Variants in PPP1R37 observed in about 807,000 individuals in gnomAD.
PPP1R37 encodes the protein protein phosphatase 1 regulatory subunit 37, also known as leucine rich repeat containing 68.
A neutral mutation model predicts 61.0 loss-of-function variants in PPP1R37; 21 were observed. The ratio of observed to expected loss-of-function variants is 0.34; its 90% CI spans 0.24 to 0.50. The LOEUF is 0.50. Among genes scored for constraint, PPP1R37 ranks in the 20% least tolerant of loss-of-function variants. The probability of loss-of-function intolerance (pLI) is 0.98; values close to 1 mark genes in which losing one functional copy is unlikely to be tolerated. For synonymous variants in PPP1R37, 443 were observed against 433.5 expected (o/e 1.02, Z -0.27); for missense variants, 910 against 952.7 (o/e 0.96, Z 0.59).
chr19:45,096,769 T>C (rs1160439880), intron 1 of PPP1R37, among the ~76,000 whole-genome samples: 1 of 151,958 alleles, frequency 6.6e-6, no homozygotes, highest in African/African-American at 2.4e-5. Flanking sequence ...TAAGGTCTGG[T>C]TGGGACTCAC....
In PPP1R37 at chr19:45,114,903, A is replaced by G. The variant is rs141666540; in HGVS notation, c.202+21376A>G. ...GAAGCTCCTTCCAGCTGGGGGGCTTATGGAGGCCATAAAGGAACCCCCTAA... is the reference window on the plus strand; with the variant it reads ...GAAGCTCCTTCCAGCTGGGGGGCTTGTGGAGGCCATAAAGGAACCCCCTAA... On this transcript the variant is annotated intron_variant, in intron 1 of 12. Coordinates refer to ENST00000221462, the MANE Select transcript of PPP1R37 (RefSeq NM_019121.2). 8.5e-5 allele frequency among the ~76,000 whole-genome samples: 13 copies of G among 152,252 alleles called. No homozygotes were observed. In the East Asian group the frequency reaches 2.5e-3, roughly 29 times the overall value.
intron 4 of PPP1R37, 52 bp downstream of exon 4, chr19:45,140,658 C>T (rs745454447): frequency 1.6e-5 from 22 of 1,406,642 alleles, no homozygotes; most frequent in Middle Eastern, 3.5e-4. Flanking sequence ...CGGGCCCCTT[C>T]GAGGTTTGGG....
chr19:45,116,711 A>G (rs570282284), intron 1 of PPP1R37, among the ~76,000 whole-genome samples: 1 of 152,302 alleles, frequency 6.6e-6, no homozygotes, highest in East Asian at 1.9e-4. Context: ...GTTCATTCAT[A>G]GACTCACAGC....
chr19:45,119,092 G>A (rs958519727), intron 1 of PPP1R37, among the ~76,000 whole-genome samples: 6 of 151,854 alleles, frequency 4.0e-5, no homozygotes, highest in East Asian at 1.9e-4. Context: ...GGGTTCAAGC[G>A]ATTCTCCTGC....
rs945436424 is a variant in PPP1R37 at position 45,093,355 on chromosome 19, C to T, written c.30C>T (p.Pro10=). ...AGATCGCGCCGCAGGAGGCGCCGCC[C>T]GTGCCGGGCGCGGACGGCGACATTG... MEIAPQEAP[P]VPGADGDIEE... is the part of the protein sequence containing the mutation. Residue 10 remains proline (P), a synonymous_variant, in exon 1 of 13, where the codon CCC becomes CCT. Transcript: ENST00000221462. The T allele has an allele frequency of 2.0e-6, 3 of 1,505,392 alleles. No individual in the cohort carries two copies. The highest frequency in any genetic ancestry group is 1.4e-5 in the African/African-American group (1 of 70,162). 93.3% of individuals were successfully genotyped at this position (1,505,392 alleles called of 1,614,324 possible).
In PPP1R37 at chr19:45,145,484, G is replaced by A. The variant is rs1485726052; in HGVS notation, c.1428G>A (p.Glu476=). 1 of 1,534,772 alleles carries A rather than the reference G, an allele frequency of 6.5e-7. No individual in the cohort carries two copies. The highest frequency in any genetic ancestry group is 1.2e-5 in the South Asian group (1 of 84,004). ...QPPQLSASMP[E]TTATEPQPDD... is the part of the protein sequence containing the mutation. ...CACAGCTGTCGGCCTCCATGCCTGA[G>A]ACCACCGCCACCGAGCCCCAGCCCG... Residue 476 remains glutamate (E), a synonymous_variant, in exon 11 of 13, where the codon GAG becomes GAA. Coordinates refer to ENST00000221462, the MANE Select transcript of PPP1R37 (RefSeq NM_019121.2).
intron 1 of PPP1R37, among the ~76,000 whole-genome samples, chr19:45,095,154 A>G (rs1967976529): frequency 6.6e-6 from 1 of 152,144 alleles, no homozygotes; most frequent in Non-Finnish European, 1.5e-5. Flanking sequence ...TGGAAACTGA[A>G]CACACAGGGA....
chr19:45,109,644 A>C (rs1411474385), intron 1 of PPP1R37, among the ~76,000 whole-genome samples: 1 of 152,208 alleles, frequency 6.6e-6, no homozygotes, highest in African/African-American at 2.4e-5. Flanking sequence ...GTCCCTGGAC[A>C]CATCCAGCCC....
intron 1 of PPP1R37, among the ~76,000 whole-genome samples, chr19:45,106,704 TTTC>T (rs1968135820): frequency 6.6e-6 from 1 of 151,966 alleles, no homozygotes; most frequent in Non-Finnish European, 1.5e-5. Context: ...CCTGGCTGAT[TTTC>T]TTATTTTTAA....
At chr19:45,118,036 C>T (rs554403476) in intron 1 of PPP1R37, among the ~76,000 whole-genome samples, 30 of 152,334 alleles carry the variant, frequency 2.0e-4, no homozygotes, top group African/African-American at 6.7e-4. Flanking sequence ...TCACCACCAG[C>T]GTCCCTTCAT....
Position 45,145,926 on chromosome 19 carries a change from C to G in PPP1R37, c.1870C>G (p.Pro624Ala). 6.5e-7 allele frequency: 1 copy of G among 1,534,752 alleles called. No homozygotes were observed. The highest frequency in any genetic ancestry group is 8.7e-7 in the Non-Finnish European group (1 of 1,146,468). Residue 624 changes from proline to alanine, a missense_variant, in exon 11 of 13, where the codon CCG becomes GCG. This residue lies in a region of PPP1R37 where 549 missense variants were observed against 505.1 expected (regional missense o/e 1.09). Transcript: ENST00000221462. ...AGGGTCCTCTGAGCCTCAGCCACCA[C>G]CGGAGCCGCCTCGGTCAGGGCCACC... is the stretch of plus-strand genomic sequence containing the variant. ...DTGSSEPQPP[P>A]EPPRSGPPLP...
chr19:45,098,373 G>A (rs758903480), intron 1 of PPP1R37, among the ~76,000 whole-genome samples: 2 of 152,244 alleles, frequency 1.3e-5, no homozygotes, highest in Non-Finnish European at 2.9e-5. Flanking sequence ...GCTGAACTCT[G>A]TGGGGTTGGA....
intron 1 of PPP1R37, among the ~76,000 whole-genome samples, chr19:45,103,437 G>A (rs932569330): frequency 2.6e-5 from 4 of 152,206 alleles, no homozygotes; most frequent in Non-Finnish European, 4.4e-5. Flanking sequence ...GCAAGCTGGC[G>A]CTTGGGACCC....
chr19:45,127,724 C>G, intron 1 of PPP1R37, among the ~76,000 whole-genome samples: 1 of 152,068 alleles, frequency 6.6e-6, no homozygotes, highest in East Asian at 1.9e-4. Context: ...CGCTTGTAAT[C>G]CCAGCACTGT....
chr19:45,142,052 C>T lies in PPP1R37; in HGVS notation c.568-9C>T. 2.0e-6 allele frequency: 3 copies of T among 1,505,688 alleles called. No individual in the cohort carries two copies. Among genetic ancestry groups the T allele is most frequent in the Admixed American group, 2.0e-5 (1 of 49,212 alleles). 93.3% of individuals were successfully genotyped at this position (1,505,688 alleles called of 1,614,324 possible). On this transcript the variant is annotated splice_polypyrimidine_tract_variant and intron_variant, in intron 5 of 12. Transcript: ENST00000221462. ...CCAGTGCCTCACCCCTGTCCTCTTG[C>T]CCCTGCAGACGAGCTGCCTGCAGTA...
At position 45,120,014 on chromosome 19, in the gene PPP1R37, C is replaced by CTTTTTTTTTTTTTTTTTTTT. The variant is rs11312138; in HGVS notation, c.203-18498_203-18479dup. Among the ~76,000 whole-genome samples the CTTTTTTTTTTTTTTTTTTTT allele has an allele frequency of 2.9e-3, 240 of 83,560 alleles. 11 individuals are homozygous for CTTTTTTTTTTTTTTTTTTTT. The highest frequency in any genetic ancestry group is 4.5e-3 in the Non-Finnish European group (187 of 41,772). The allele number at this position is 83,560 out of a possible 152,430, so 54.8% of individuals were successfully genotyped here. A position where few individuals can be genotyped will look rare whatever the true frequency, so the allele number is the denominator to read the frequency against. The stretch of plus-strand genomic sequence containing the variant: ...AGCACAGATTTTTTATTTTCCCCTT[C>CTTTTTTTTTTTTTTTTTTTT]TTTTTTTTTTTTTTTTTTTTTGAGA... On this transcript the variant is annotated intron_variant, in intron 1 of 12. Transcript: ENST00000221462.
At chr19:45,114,966 G>A (rs747646) in intron 1 of PPP1R37, among the ~76,000 whole-genome samples, 4,474 of 152,132 alleles carry the variant, frequency 0.029, 229 homozygotes, top group African/African-American at 0.1. Flanking sequence ...CCTGGGCTAG[G>A]GGACAGTCTT....
rs1369234542 is a variant in PPP1R37 at position 45,142,434 on chromosome 19, C to T, written c.850C>T (p.Arg284Trp). The change falls in exon 7 of 13, where the codon CGG becomes TGG. Residue 284 changes from arginine to tryptophan, a missense_variant. By Grantham distance (101) the Arg-to-Trp change is moderately radical. Around this residue, in one of 3 missense-constraint regions of PPP1R37, gnomAD observed 280 missense variants for 382.2 expected, o/e 0.73. Transcript: ENST00000221462. ...FNCSLQILDL[R>W]NNHVLDSGLA... ...CTGCTCCCTGCAGATCCTGGACCTCCGGAACAACCACGTGCTAGACTCGGG... is the reference window on the plus strand; with the variant it reads ...CTGCTCCCTGCAGATCCTGGACCTCTGGAACAACCACGTGCTAGACTCGGG... The T allele has an allele frequency of 7.8e-6, 12 of 1,535,964 alleles. No individual in the cohort carries two copies. The highest frequency in any genetic ancestry group is 9.6e-6 in the Non-Finnish European group (11 of 1,146,912).
At chr19:45,101,803 G>A (rs964318698) in intron 1 of PPP1R37, among the ~76,000 whole-genome samples, 1 of 152,308 alleles carries the variant, frequency 6.6e-6, no homozygotes, top group East Asian at 1.9e-4. Flanking sequence ...AGACAGGGAG[G>A]CCAGGGAGGG....
Sources: gnomAD v4.1 joint callset for allele counts (sites outside exome capture counted in the v4.1 genomes callset) on GRCh38, gnomAD v4.1.1 for gene constraint, gnomAD v4.1.1 regional missense constraint, MANE v1.5 for transcripts, NCBI Gene and HGNC (gene_info 2026-07-23, HGNC 2026-07-21) for gene names.